Variants in BRD1 observed in about 807,000 individuals in gnomAD.
BRD1 encodes the protein bromodomain containing 1.
A neutral mutation model predicts 107.7 loss-of-function variants in BRD1; 24 were observed. The ratio of observed to expected loss-of-function variants is 0.22; its 90% CI spans 0.16 to 0.31. BRD1 has a LOEUF of 0.31. Among genes scored for constraint, BRD1 ranks in the 10% least tolerant of loss-of-function variants. BRD1 has a pLI of 1.00. For synonymous variants in BRD1, 744 were observed against 686.1 expected (o/e 1.08, Z -1.32); for missense variants, 1,279 against 1,638.6 (o/e 0.78, Z 3.79).
chr22:49,796,696 A>G (rs929034474), intron 6 of BRD1, among the ~76,000 whole-genome samples: 6 of 152,154 alleles, frequency 3.9e-5, no homozygotes, highest in Non-Finnish European at 7.4e-5. Flanking sequence ...CCATCCTCCA[A>G]TCCTCACAGG....
At position 49,783,850 on chromosome 22, in the gene BRD1, G is replaced by A. The variant is rs2059264524; in HGVS notation, c.2857+3540C>T. Among the ~76,000 whole-genome samples, 1 of 152,226 alleles carries A rather than the reference G, an allele frequency of 6.6e-6. No homozygotes were observed. Among genetic ancestry groups the A allele is most frequent in the Admixed American group, 6.5e-5 (1 of 15,280 alleles). On this transcript the variant is annotated intron_variant, in intron 8 of 12. Coordinates refer to ENST00000404760, the MANE Select transcript of BRD1 (RefSeq NM_001304808.3). The surrounding 1 kb of genome is among the most constrained non-coding windows in gnomAD (Gnocchi z 4.2). ...GTGATCCGCAAGAATTAAGTGAAAGGCAAGATGCAGTGATCTTTGTGCATT... is the reference window on the plus strand; with the variant it reads ...GTGATCCGCAAGAATTAAGTGAAAGACAAGATGCAGTGATCTTTGTGCATT...
chr22:49,789,388 G>C (rs2059388734), intron 7 of BRD1, among the ~76,000 whole-genome samples: 1 of 152,178 alleles, frequency 6.6e-6, no homozygotes, highest in East Asian at 1.9e-4. Context: ...GCAGCAGGAG[G>C]GGATTCAGCA....
chr22:49,776,196 C>G, intron 10 of BRD1, 37 bp from the exon 11 acceptor site: 1 of 1,562,964 alleles, frequency 6.4e-7, no homozygotes, highest in Non-Finnish European at 8.7e-7. Context: ...CAGGCGTCAG[C>G]AGGACACGGG....
At chr22:49,801,329 C>T (rs573069993) in intron 3 of BRD1, among the ~76,000 whole-genome samples, 1 of 152,356 alleles carries the variant, frequency 6.6e-6, no homozygotes, top group South Asian at 2.1e-4. Flanking sequence ...AGCACAGACC[C>T]GCCATCGCTG....
rs4824100 is a variant in BRD1 at position 49,798,242 on chromosome 22, G to A, written c.1786-125C>T. 1.4e-5 allele frequency: 15 copies of A among 1,045,340 alleles called. No individual in the cohort carries two copies. The Admixed American group carries it at 2.1e-4, about 14-fold the overall frequency. 64.8% of individuals were successfully genotyped at this position (1,045,340 alleles called of 1,614,324 possible). On this transcript the variant is annotated intron_variant, in intron 5 of 12. Coordinates refer to ENST00000404760, the MANE Select transcript of BRD1 (RefSeq NM_001304808.3). ...GAGAGCCACACACAGACACGCAGAC[G>A]GTACAGACATAAGACCCAAGTACTG...
chr22:49,787,278 CT>C, intron 8 of BRD1, 111 bp downstream of exon 8: 1 of 1,310,480 alleles, frequency 7.6e-7, no homozygotes, highest in Non-Finnish European at 1.0e-6. Flanking sequence ...TAAGAGAATG[CT>C]GCAAAAACAG....
At chr22:49,818,258 G>C in intron 2 of BRD1, 1 of 1,254,706 alleles carries the variant, frequency 8.0e-7, no homozygotes, top group South Asian at 1.3e-5. Flanking sequence ...TGAAGTCCAG[G>C]CTCTCGTAGT....
chr22:49,787,123 A>G (rs1953722865), intron 8 of BRD1, among the ~76,000 whole-genome samples: 1 of 152,176 alleles, frequency 6.6e-6, no homozygotes, highest in Admixed American at 6.5e-5. Context: ...GACAGGACCA[A>G]GGACCATCGA....
Position 49,777,114 on chromosome 22 carries a change from C to A in BRD1, c.3041G>T (p.Arg1014Leu). ...CTCACTGCGGTCCTCCAGCGTGTGCCGTCGCACAAGAGCCGGTTTGCCCCG... is the reference window on the plus strand; with the variant it reads ...CTCACTGCGGTCCTCCAGCGTGTGCAGTCGCACAAGAGCCGGTTTGCCCCG... The part of the protein sequence containing the change: ...CGRGKPALVR[R>L]HTLEDRSELI... The change falls in exon 10 of 13, where the codon CGG becomes CTG. Residue 1014 changes from arginine to leucine, a missense_variant. Transcript: ENST00000404760. The A allele has an allele frequency of 6.2e-7, 1 of 1,613,358 alleles. No individual in the cohort carries two copies. Among genetic ancestry groups the A allele is most frequent in the Non-Finnish European group, 8.5e-7 (1 of 1,180,000 alleles).
rs923843073 is a variant in BRD1 at position 49,823,139 on chromosome 22, G to A, written c.1179C>T (p.Cys393=). The A allele has an allele frequency of 1.2e-5, 20 of 1,614,076 alleles. No individual in the cohort carries two copies. Among genetic ancestry groups the A allele is most frequent in the Admixed American group, 6.7e-5 (4 of 60,002 alleles). The change falls in exon 2 of 13, where the codon TGC becomes TGT. Residue 393 remains cysteine (C), a synonymous_variant. Coordinates refer to ENST00000404760, the MANE Select transcript of BRD1 (RefSeq NM_001304808.3). ...AYCDVHTPPG[C]TRRPLNIYGD... is the part of the protein sequence containing the mutation. ...CGTAAATATTCAGAGGCCTCCGGGT[G>A]CAGCCTGGAGGCGTGTGGACATCAC...
In BRD1 at chr22:49,824,063, G is replaced by C. The variant is rs780360995; in HGVS notation, c.255C>G (p.Val85=). Residue 85 remains valine, a synonymous_variant, in exon 2 of 13, where the codon GTC becomes GTG. Transcript: ENST00000404760. The surrounding 1 kb of genome is among the most constrained non-coding windows in gnomAD (Gnocchi z 5.9). ...TTTTGTGACGCTTAGTTCTTAAGCA[G>C]ACAGGAGGCCGCTCGCTGTTTTCCT... ...SNKENSERPP[V]CLRTKRHKNN... 6.2e-7 allele frequency: 1 copy of C among 1,613,972 alleles called. No homozygotes were observed. Among genetic ancestry groups the C allele is most frequent in the Admixed American group, 1.7e-5 (1 of 60,034 alleles).
chr22:49,779,210 G>T (rs1601605701), intron 8 of BRD1, among the ~76,000 whole-genome samples: 1 of 152,142 alleles, frequency 6.6e-6, no homozygotes, highest in Non-Finnish European at 1.5e-5. Flanking sequence ...TGGCTGGGAG[G>T]CATGTTTTGA....
chr22:49,824,736 G>A lies in BRD1; in HGVS notation c.-14-405C>T. On this transcript the variant is annotated intron_variant, in intron 1 of 12. Coordinates refer to ENST00000404760, the MANE Select transcript of BRD1 (RefSeq NM_001304808.3). This position sits in a 1 kb window ranked among gnomAD's most constrained non-coding sequence, Gnocchi z 5.9. ...CCCAGGAAGTCCACATACAGGGCTG[G>A]ACCCCACCAGGCACAGAGGCTATGC... The A allele has an allele frequency of 9.5e-7, 1 of 1,054,438 alleles. No individual in the cohort carries two copies. The highest frequency in any genetic ancestry group is 3.4e-5 in the South Asian group (1 of 29,834). 65.3% of individuals were successfully genotyped at this position (1,054,438 alleles called of 1,614,324 possible). A position where few individuals can be genotyped will look rare whatever the true frequency, so the allele number is the denominator to read the frequency against.
At chr22:49,797,119 A>G (rs964965046) in intron 6 of BRD1, among the ~76,000 whole-genome samples, 1 of 152,192 alleles carries the variant, frequency 6.6e-6, no homozygotes, top group Non-Finnish European at 1.5e-5. Context: ...TGCGACTAAC[A>G]AGCAGGGTGC....
At chr22:49,827,019 G>A (rs1445593361) in intron 1 of BRD1, among the ~76,000 whole-genome samples, 2 of 151,960 alleles carry the variant, frequency 1.3e-5, no homozygotes, top group African/African-American at 4.8e-5. Context: ...AGGCCGCGCG[G>A]CTCCTGGGCG....
At chr22:49,806,346 A>C (rs2059743597) in intron 2 of BRD1, 1 of 152,246 alleles carries the variant, frequency 6.6e-6, no homozygotes, top group African/African-American at 2.4e-5. Flanking sequence ...TTTGATGAAA[A>C]TGCTTTAAAA....
At chr22:49,791,837 T>C (rs2059441218) in intron 7 of BRD1, among the ~76,000 whole-genome samples, 1 of 152,098 alleles carries the variant, frequency 6.6e-6, no homozygotes, top group African/African-American at 2.4e-5. Context: ...TCCCATCAGC[T>C]CACAGGAAAC....
In BRD1 at chr22:49,773,647, A is replaced by AAT. The variant is rs1408851487; in HGVS notation, c.*584_*585dup. 6.6e-6 allele frequency: 1 copy of AAT among 152,670 alleles called. No homozygotes were observed. The highest frequency in any genetic ancestry group is 1.5e-5 in the Non-Finnish European group (1 of 68,066). 9.5% of individuals were successfully genotyped at this position (152,670 alleles called of 1,614,324 possible). On this transcript the variant is annotated 3_prime_UTR_variant, in exon 13 of 13. Transcript: ENST00000404760. ...CAAATGTATTTTTCATTATAAAGCA[A>AAT]ATGAATACACTTTCTACAATAAATA...
chr22:49,793,852 AG>A (rs1406843051), intron 7 of BRD1, among the ~76,000 whole-genome samples, 181 bp downstream of exon 7: 9 of 152,274 alleles, frequency 5.9e-5, no homozygotes, highest in Non-Finnish European at 1.0e-4. Flanking sequence ...TCTCCTTAAA[AG>A]GAAACAACAG....
Sources: allele counts gnomAD v4.1 joint callset (sites outside exome capture counted in the v4.1 genomes callset), GRCh38; gene constraint gnomAD v4.1.1; non-coding constraint Gnocchi (gnomAD v3.1); transcripts MANE v1.5; gene names NCBI Gene and HGNC (gene_info 2026-07-23, HGNC 2026-07-21).